The following SYNPO variants were observed in gnomAD, a reference collection of about 807,000 sequenced individuals.
SYNPO encodes the protein synaptopodin.
Under a neutral mutation model 49.5 loss-of-function variants are expected in SYNPO, and 19 were observed. The observed-to-expected ratio is 0.38, with a 90% CI of 0.27 to 0.56. The LOEUF is 0.56. SYNPO is among the 20% of genes least tolerant of loss of function. SYNPO has a pLI of 0.68. For synonymous variants in SYNPO, 536 were observed against 548.0 expected, an observed-to-expected ratio of 0.98 and a Z score of 0.31; for missense variants, 1,131 against 1,248.3, an observed-to-expected ratio of 0.91 and a Z score of 1.42.
At chr5:150,619,747 C>T (rs2151369393) in intron 2 of SYNPO, among the ~76,000 whole-genome samples, 1 of 152,310 alleles carries the variant, frequency 6.6e-6, no homozygotes, top group Non-Finnish European at 1.5e-5. Context: ...CTTCATTTCT[C>T]TGCAGGCGTC....
chr5:150,627,905 A>T (rs571672671), intron 2 of SYNPO, among the ~76,000 whole-genome samples: 1 of 152,192 alleles, frequency 6.6e-6, no homozygotes, highest in East Asian at 1.9e-4. Flanking sequence ...TTGCATCCCC[A>T]GGGGCTTCAG....
intron 2 of SYNPO, among the ~76,000 whole-genome samples, chr5:150,631,282 G>A (rs928041766): frequency 9.2e-5 from 14 of 152,248 alleles, no homozygotes; most frequent in East Asian, 3.8e-4. Context: ...GCTGATGAGC[G>A]TTTAGGGAAG....
In SYNPO at chr5:150,656,913, C is replaced by T; in HGVS notation, c.2538C>T (p.Pro846=). The T allele has an allele frequency of 1.9e-6, 3 of 1,578,862 alleles. No homozygotes were observed. Among genetic ancestry groups the T allele is most frequent in the Non-Finnish European group, 2.6e-6 (3 of 1,163,356 alleles). ...TSPRSPLPAP[P]RPFLYRRSPT... The stretch of plus-strand genomic sequence containing the variant: ...CCCGGAGCCCGCTGCCCGCGCCTCC[C>T]AGGCCCTTCCTCTACCGCCGCTCGC... Residue 846 remains proline, a synonymous_variant, in exon 3 of 3, where the codon CCC becomes CCT. Transcript: ENST00000307662.
intron 2 of SYNPO, chr5:150,624,970 C>T: frequency 1.0e-6 from 1 of 985,514 alleles, no homozygotes; most frequent in Non-Finnish European, 1.2e-6. Flanking sequence ...CCCTTCCCAC[C>T]TGCGCTATTC....
upstream of SYNPO, among the ~76,000 whole-genome samples, chr5:150,597,560 C>T (rs1381831480): frequency 6.6e-6 from 1 of 152,050 alleles, no homozygotes; most frequent in Non-Finnish European, 1.5e-5. Context: ...TCTGGAACTC[C>T]CAACCTCAGG....
At chr5:150,636,048 C>A (rs902137576), upstream of SYNPO, among the ~76,000 whole-genome samples, 6 of 152,198 alleles carry the variant, frequency 3.9e-5, no homozygotes, top group Non-Finnish European at 1.5e-5. Context: ...CATTTACCAT[C>A]TGACTTACTT....
the SYNPO span, among the ~76,000 whole-genome samples, chr5:150,590,749 GA>G: frequency 2.0e-5 from 3 of 152,300 alleles, no homozygotes; most frequent in African/African-American, 7.2e-5. Context: ...AAGATTCACA[GA>G]AAATACTTAG....
rs995944166 is a variant in SYNPO at position 150,656,639 on chromosome 5, C to T, written c.2264C>T (p.Ala755Val). Residue 755 changes from alanine to valine, a missense_variant, in exon 3 of 3, where the codon GCG becomes GTG. By Grantham distance (64) the Ala-to-Val change is moderately conservative. Transcript: ENST00000307662. ...EARPPSRQLQ[A>V]LLARNIINAA... ...CGGCCCCCCAGCCGCCAGCTGCAGGCGCTTCTGGCGCGAAACATCATCAAT... is the reference window on the plus strand; with the variant it reads ...CGGCCCCCCAGCCGCCAGCTGCAGGTGCTTCTGGCGCGAAACATCATCAAT... The T allele has an allele frequency of 6.6e-7, 1 of 1,507,954 alleles. No homozygotes were observed. Among genetic ancestry groups the T allele is most frequent in the African/African-American group, 1.4e-5 (1 of 69,410 alleles). The allele number at this position is 1,507,954 out of a possible 1,614,324, so 93.4% of individuals were successfully genotyped here.
chr5:150,620,925 C>T (rs1472529226), intron 2 of SYNPO, among the ~76,000 whole-genome samples: 3 of 134,218 alleles, frequency 2.2e-5, no homozygotes, highest in East Asian at 4.2e-4. Context: ...TTCTTTCTTT[C>T]TTTCTTTCTT....
At chr5:150,617,529 C>T (rs1237368934) in intron 1 of SYNPO, 1 of 152,248 alleles carries the variant, frequency 6.6e-6, no homozygotes, top group Admixed American at 6.5e-5. Context: ...CTCTTGACCT[C>T]AGGTGATCCA....
intron 1 of SYNPO, 71 bp from the exon 2 acceptor site, chr5:150,647,873 G>A: frequency 7.2e-7 from 1 of 1,396,926 alleles, no homozygotes; most frequent in Non-Finnish European, 9.8e-7. Context: ...ATCTCTGTCT[G>A]CCTGTTTGTC....
chr5:150,615,870 C>T (rs1756970266), intron 1 of SYNPO, among the ~76,000 whole-genome samples: 1 of 152,246 alleles, frequency 6.6e-6, no homozygotes, highest in South Asian at 2.1e-4. Context: ...CTTCACCTAT[C>T]TGAGCCTCAA....
intron 1 of SYNPO, among the ~76,000 whole-genome samples, chr5:150,645,137 C>T (rs1758045376): frequency 6.6e-6 from 1 of 152,174 alleles, no homozygotes; most frequent in Non-Finnish European, 1.5e-5. Context: ...CTGTTTCCCA[C>T]CTATAAAACA....
chr5:150,599,408 T>G (rs182792693), upstream of SYNPO, among the ~76,000 whole-genome samples: 631 of 152,318 alleles, frequency 4.1e-3, 6 homozygotes, highest in African/African-American at 0.014. Flanking sequence ...TGTTATTGGC[T>G]GTAGAGACAC....
the SYNPO span, among the ~76,000 whole-genome samples, chr5:150,594,250 C>G: frequency 6.6e-6 from 1 of 152,252 alleles, no homozygotes; most frequent in Admixed American, 6.5e-5. Flanking sequence ...GATGGGGCTT[C>G]TCTGCCAGGG....
In SYNPO at chr5:150,612,131, G is replaced by T. The variant is rs145929036; in HGVS notation, c.-265-5972G>T. 2.4e-3 allele frequency among the ~76,000 whole-genome samples: 370 copies of T among 152,302 alleles called. 3 individuals are homozygous for T. The highest frequency in any genetic ancestry group is 0.017 in the East Asian group (86 of 5,182). On this transcript the variant is annotated intron_variant, in intron 1 of 2. Coordinates refer to the SYNPO transcript ENST00000394243. Reference sequence around the variant, plus strand: ...GGTCAGGTTCGCAAGGACAACAAAAGCTTTCTTCCTGTTGTCAGGGAGAAC... The same window carrying T: ...GGTCAGGTTCGCAAGGACAACAAAATCTTTCTTCCTGTTGTCAGGGAGAAC...
chr5:150,598,201 C>T (rs1756458194), upstream of SYNPO, among the ~76,000 whole-genome samples: 1 of 152,114 alleles, frequency 6.6e-6, no homozygotes, highest in Non-Finnish European at 1.5e-5. Context: ...TAACCAGGAC[C>T]TCTCTGGCAT....
At chr5:150,605,627 G>A (rs1581447451) in intron 1 of SYNPO, among the ~76,000 whole-genome samples, 3 of 152,168 alleles carry the variant, frequency 2.0e-5, no homozygotes, top group Middle Eastern at 6.8e-3. Flanking sequence ...GAGGAAGAAA[G>A]CAAACAGAGT....
At chr5:150,594,019 G>C in the SYNPO span, among the ~76,000 whole-genome samples, 1 of 152,174 alleles carries the variant, frequency 6.6e-6, no homozygotes, top group African/African-American at 2.4e-5. Flanking sequence ...ATGGGGCAGG[G>C]GGTGTCCCTG....
Sources: allele counts gnomAD v4.1 joint callset (sites outside exome capture counted in the v4.1 genomes callset), GRCh38; gene constraint gnomAD v4.1.1; transcripts MANE v1.5; gene names NCBI Gene and HGNC (gene_info 2026-07-23, HGNC 2026-07-21).